The following UNC13C variants were observed in gnomAD, a reference collection of about 807,000 sequenced individuals.
UNC13C encodes unc-13 homolog C.
In UNC13C, 174 loss-of-function variants were observed where a neutral mutation model predicts 245.4. The ratio of observed to expected loss-of-function variants is 0.71; its 90% CI spans 0.63 to 0.80. UNC13C has a LOEUF of 0.80. Ranked by LOEUF, UNC13C falls within the 30% of genes least tolerant of loss-of-function variation. UNC13C has a pLI of 0.00. For synonymous variants in UNC13C, 992 were observed against 895.1 expected (o/e 1.11, Z -1.93); for missense variants, 2,829 against 2,602.9 (o/e 1.09, Z -1.89).
At chr15:53,849,847 G>A in the UNC13C span, among the ~76,000 whole-genome samples, 1 of 152,086 alleles carries the variant, frequency 6.6e-6, no homozygotes, top group Non-Finnish European at 1.5e-5. Flanking sequence ...ACTGTAAAAG[G>A]CCAAGAAGAA....
chr15:54,007,144 G>A (rs1895175755), intron 1 of UNC13C, among the ~76,000 whole-genome samples: 1 of 152,320 alleles, frequency 6.6e-6, no homozygotes, highest in South Asian at 2.1e-4. Flanking sequence ...ATTTACTGAT[G>A]AGGTGCTGTT....
intron 17 of UNC13C, among the ~76,000 whole-genome samples, chr15:54,370,972 CTAAT>C (rs2039474460): frequency 6.6e-6 from 1 of 151,950 alleles, no homozygotes; most frequent in African/African-American, 2.4e-5. Context: ...CAAAATATAG[CTAAT>C]TAACATATGC....
intron 8 of UNC13C, among the ~76,000 whole-genome samples, chr15:54,260,125 T>C (rs1159047800): frequency 6.6e-6 from 1 of 152,166 alleles, no homozygotes; most frequent in Non-Finnish European, 1.5e-5. Context: ...GGAATACACA[T>C]TTAATAAAAT....
intron 2 of UNC13C, among the ~76,000 whole-genome samples, chr15:54,095,006 G>T (rs1377774389): frequency 2.6e-5 from 4 of 152,130 alleles, no homozygotes; most frequent in Non-Finnish European, 5.9e-5. Context: ...TGGCCTCTCT[G>T]TGCAACATCT....
intron 8 of UNC13C, among the ~76,000 whole-genome samples, chr15:54,251,984 A>G (rs2036163578): frequency 1.3e-5 from 2 of 152,210 alleles, no homozygotes; most frequent in Non-Finnish European, 2.9e-5. Context: ...AAAAATAAGA[A>G]GTATAGTTAA....
chr15:54,089,489 G>A (rs2141133339), intron 2 of UNC13C, among the ~76,000 whole-genome samples: 1 of 152,216 alleles, frequency 6.6e-6, no homozygotes, highest in East Asian at 1.9e-4. Context: ...TCCTCTTCAA[G>A]GTTAGAGGAG....
chr15:53,922,975 A>C, the UNC13C span, among the ~76,000 whole-genome samples: 1 of 152,314 alleles, frequency 6.6e-6, no homozygotes, highest in Non-Finnish European at 1.5e-5. Context: ...TTGTTTACTA[A>C]GCCACTCTAT....
chr15:53,933,762 T>C, the UNC13C span, among the ~76,000 whole-genome samples: 1 of 152,180 alleles, frequency 6.6e-6, no homozygotes, highest in Non-Finnish European at 1.5e-5. Flanking sequence ...CTGGTGACCA[T>C]TTATTGAACT....
rs1895462122 is a variant in UNC13C at position 54,013,179 on chromosome 15, C to T, written c.276C>T (p.Phe92=). Residue 92 remains phenylalanine (F), a synonymous_variant, in exon 2 of 33, where the codon TTC becomes TTT. Coordinates refer to ENST00000260323, the MANE Select transcript of UNC13C (RefSeq NM_001080534.3). ...ASKEFSLSPT[F]SYRVAIANGL... ...AAGAGTTTTCCCTCTCACCAACATT[C>T]AGTTACCGAGTAGCTATTGCCAATG... 1.2e-6 allele frequency: 2 copies of T among 1,613,714 alleles called. No individual in the cohort carries two copies. The highest frequency in any genetic ancestry group is 2.2e-5 in the South Asian group (2 of 91,076).
chr15:54,360,159 G>C (rs2039196835), intron 17 of UNC13C, among the ~76,000 whole-genome samples: 1 of 152,030 alleles, frequency 6.6e-6, no homozygotes, highest in African/African-American at 2.4e-5. Context: ...ATTGTAATCA[G>C]AAATGATACT....
chr15:54,474,362 C>A (rs1567306713), intron 19 of UNC13C, among the ~76,000 whole-genome samples: 2 of 151,930 alleles, frequency 1.3e-5, no homozygotes, highest in Admixed American at 6.6e-5. Flanking sequence ...CTGATAATAG[C>A]CATTCTAACT....
chr15:54,592,410 A>G (rs565685022), intron 30 of UNC13C, among the ~76,000 whole-genome samples: 3 of 152,216 alleles, frequency 2.0e-5, no homozygotes, highest in African/African-American at 4.8e-5. Flanking sequence ...GTCCCCCACT[A>G]TTATTGTGTT....
Position 54,507,319 on chromosome 15 carries a change from TAAG to T in UNC13C, c.5379+129_5379+131del, listed in dbSNP as rs1022709803. The T allele has an allele frequency of 4.6e-6, 3 of 656,862 alleles. No homozygotes were observed. The African/African-American group carries it at 5.5e-5, about 12-fold the overall frequency. 40.7% of individuals were successfully genotyped at this position (656,862 alleles called of 1,614,324 possible). On this transcript the variant is annotated intron_variant, in intron 23 of 32. Coordinates refer to ENST00000260323, the MANE Select transcript of UNC13C (RefSeq NM_001080534.3). The stretch of plus-strand genomic sequence containing the variant: ...ATAGGATAATAAGAAATAAGGATCT[TAAG>T]AAGCTGGAAACTTCTCCAGGGTTCT...
At chr15:54,553,581 C>T (rs758396877) in intron 28 of UNC13C, among the ~76,000 whole-genome samples, 1 of 146,612 alleles carries the variant, frequency 6.8e-6, no homozygotes, top group Admixed American at 7.1e-5. Context: ...TAAAAAAATG[C>T]ATAAATCTTC....
intron 19 of UNC13C, among the ~76,000 whole-genome samples, chr15:54,455,164 C>CCTCTCTCTCTCTCTCTCTCTCTCTCTCT (rs1203605020): frequency 2.3e-4 from 4 of 17,516 alleles, no homozygotes; most frequent in Admixed American, 8.9e-4. Flanking sequence ...GAGTCATATT[C>CCTCTCTCTCTCTCTCTCTCTCTCTCTCT]CTCTCTCTCT....
At chr15:54,455,238 T>TATATATATATATATATATATATATAA (rs1416569966) in intron 19 of UNC13C, among the ~76,000 whole-genome samples, 13 of 70,138 alleles carry the variant, frequency 1.9e-4, no homozygotes, top group Non-Finnish European at 2.8e-4. Context: ...TATATATATA[T>TATATATATATATATATATATATATAA]GTTTTTTAAT....
chr15:54,303,834 C>A (rs948969548), intron 13 of UNC13C, among the ~76,000 whole-genome samples: 1 of 151,928 alleles, frequency 6.6e-6, no homozygotes, highest in Non-Finnish European at 1.5e-5. Flanking sequence ...CAACTCACAG[C>A]AAGGAGGGGG....
chr15:53,951,691 T>G, the UNC13C span, among the ~76,000 whole-genome samples: 1 of 152,176 alleles, frequency 6.6e-6, no homozygotes, highest in South Asian at 2.1e-4. Flanking sequence ...CAAATCCATG[T>G]TTTTAACCAC....
the UNC13C span, among the ~76,000 whole-genome samples, chr15:53,964,191 A>G: frequency 0.047 from 7,140 of 152,244 alleles, 271 homozygotes; most frequent in African/African-American, 0.1. Context: ...GGGAAGAACT[A>G]TATCTACCTT....
Sources: gnomAD v4.1 joint callset for allele counts (sites outside exome capture counted in the v4.1 genomes callset) on GRCh38, gnomAD v4.1.1 for gene constraint, MANE v1.5 for transcripts, NCBI Gene and HGNC (gene_info 2026-07-23, HGNC 2026-07-21) for gene names.